PIGN: variants seen among roughly 807,000 people sequenced by gnomAD.
PIGN encodes the protein phosphatidylinositol glycan anchor biosynthesis class N, also known as GPI ethanolamine phosphate transferase 1.
Under a neutral mutation model 125.4 loss-of-function variants are expected in PIGN, and 117 were observed. That is an observed-to-expected ratio of 0.93 (90% CI 0.80 to 1.09). PIGN has a LOEUF of 1.09. Ranked by LOEUF, PIGN falls within the 50% of genes least tolerant of loss-of-function variation. The pLI is 0.00. For synonymous variants in PIGN, 392 were observed against 377.8 expected, an observed-to-expected ratio of 1.04 and a Z score of -0.44; for missense variants, 1,075 against 1,094.9, an observed-to-expected ratio of 0.98 and a Z score of 0.26.
At chr18:62,048,949 G>A (rs1331728862) in intron 30 of PIGN, among the ~76,000 whole-genome samples, 15 of 150,214 alleles carry the variant, frequency 1.0e-4, no homozygotes, top group South Asian at 2.1e-4. Flanking sequence ...GAGAATATGC[G>A]GTGTTTGGTT....
intron 30 of PIGN, among the ~76,000 whole-genome samples, chr18:62,064,757 C>T (rs1261266252): frequency 3.9e-5 from 6 of 151,988 alleles, no homozygotes; most frequent in South Asian, 2.1e-4. Context: ...TAACTTTTCC[C>T]AATCACTGTT....
chr18:62,101,824 GA>G (rs1024986352), intron 21 of PIGN, among the ~76,000 whole-genome samples: 1 of 152,072 alleles, frequency 6.6e-6, no homozygotes, highest in Non-Finnish European at 1.5e-5. Context: ...CAGTTAAAAA[GA>G]AAAACAGATG....
At chr18:62,138,101 G>A (rs2036000515) in intron 14 of PIGN, 142 bp downstream of exon 14, 3 of 1,161,904 alleles carry the variant, frequency 2.6e-6, no homozygotes, top group Non-Finnish European at 3.6e-6. Flanking sequence ...AGCAATAGAA[G>A]AGGATTTCAA....
intron 14 of PIGN, among the ~76,000 whole-genome samples, chr18:62,116,869 AG>A (rs1351234078): frequency 6.6e-6 from 1 of 152,166 alleles, no homozygotes; most frequent in Non-Finnish European, 1.5e-5. Flanking sequence ...AAGGAAAAAA[AG>A]CTTGTCTGAA....
At chr18:62,141,838 G>A (rs1347545621) in intron 11 of PIGN, among the ~76,000 whole-genome samples, 2 of 152,082 alleles carry the variant, frequency 1.3e-5, no homozygotes, top group Non-Finnish European at 2.9e-5. Flanking sequence ...ACCACCCCAT[G>A]GTTTCTATTG....
At chr18:62,117,435 T>A (rs1356217186) in intron 14 of PIGN, among the ~76,000 whole-genome samples, 1 of 151,992 alleles carries the variant, frequency 6.6e-6, no homozygotes, top group East Asian at 1.9e-4. Flanking sequence ...GATCTATACA[T>A]ATAAACATGG....
intron 28 of PIGN, 46 bp downstream of exon 28, chr18:62,082,627 C>T (rs1253318084): frequency 1.0e-6 from 1 of 1,003,346 alleles, no homozygotes; most frequent in African/African-American, 1.6e-5. Context: ...ACTCTCATCT[C>T]CTAAAAATAG....
chr18:62,130,884 T>G (rs1291133045), intron 14 of PIGN, among the ~76,000 whole-genome samples: 1 of 152,206 alleles, frequency 6.6e-6, no homozygotes, highest in Non-Finnish European at 1.5e-5. Context: ...AAAAAGTTAT[T>G]TCTAGAATAA....
intron 23 of PIGN, among the ~76,000 whole-genome samples, chr18:62,021,755 C>T (rs1441465353): frequency 1.3e-5 from 2 of 152,066 alleles, no homozygotes; most frequent in African/African-American, 4.8e-5. Flanking sequence ...AAAACAACAC[C>T]CGGTTATTAT....
chr18:62,088,978 TAAAC>T (rs1440359097), intron 24 of PIGN, 136 bp from the exon 25 acceptor site: 1 of 587,242 alleles, frequency 1.7e-6, no homozygotes, highest in East Asian at 2.9e-5. Context: ...CAATAAACAA[TAAAC>T]AATAAATCTT....
intron 30 of PIGN, among the ~76,000 whole-genome samples, chr18:62,062,807 A>G (rs1490182767): frequency 2.0e-5 from 3 of 149,670 alleles, no homozygotes; most frequent in African/African-American, 5.0e-5. Flanking sequence ...TTCTCTGCCT[A>G]TAAGTGCTGA....
intron 23 of PIGN, among the ~76,000 whole-genome samples, chr18:62,027,072 A>G (rs908377567): frequency 2.0e-5 from 3 of 152,134 alleles, no homozygotes; most frequent in Admixed American, 6.5e-5. Context: ...GTGTGGTGGC[A>G]GGCACCTGTA....
At chr18:62,170,918 C>T (rs2037324984) in intron 1 of PIGN, among the ~76,000 whole-genome samples, 1 of 152,136 alleles carries the variant, frequency 6.6e-6, no homozygotes, top group Non-Finnish European at 1.5e-5. Context: ...AAGATCAAAC[C>T]AGCCACAACA....
chr18:62,161,137 T>TA lies in PIGN; in HGVS notation c.216dup (p.Ile73TyrfsTer2). 6.2e-7 allele frequency: 1 copy of TA among 1,602,486 alleles called. No homozygotes were observed. The highest frequency in any genetic ancestry group is 8.5e-7 in the Non-Finnish European group (1 of 1,169,910). On this transcript the variant is annotated frameshift_variant, in exon 4 of 31. Transcript: ENST00000640252. LOFTEE classifies it high-confidence loss of function. ...TGTATCAGTTTACATGCTTACCTAATAAACGGTGCTCTAGAGTTTCCATTT... is the reference window on the plus strand; with the variant it reads ...TGTATCAGTTTACATGCTTACCTAATAAAACGGTGCTCTAGAGTTTCCATTT...
At chr18:62,062,052 G>C (rs929678406) in intron 30 of PIGN, among the ~76,000 whole-genome samples, 1 of 152,102 alleles carries the variant, frequency 6.6e-6, no homozygotes, top group Non-Finnish European at 1.5e-5. Flanking sequence ...CACCGCTATA[G>C]AGGATACAAA....
intron 23 of PIGN, among the ~76,000 whole-genome samples, chr18:62,033,072 C>T (rs1437566904): frequency 1.3e-5 from 2 of 152,172 alleles, no homozygotes; most frequent in Admixed American, 6.5e-5. Context: ...AGGACGCAGC[C>T]AAGGGGACCT....
intron 30 of PIGN, among the ~76,000 whole-genome samples, chr18:62,047,629 G>A (rs1244182023): frequency 1.3e-5 from 2 of 152,194 alleles, no homozygotes; most frequent in Non-Finnish European, 2.9e-5. Flanking sequence ...AATGGAGGCT[G>A]CAAGGGGAAC....
chr18:62,085,043 G>A (rs2033632382), intron 26 of PIGN, among the ~76,000 whole-genome samples, 166 bp downstream of exon 26: 2 of 151,408 alleles, frequency 1.3e-5, no homozygotes, highest in Non-Finnish European at 1.5e-5. Context: ...GGGAGGCAGA[G>A]GTTGCAATGA....
intron 30 of PIGN, chr18:62,070,202 AG>A (rs2032762757): frequency 2.6e-6 from 1 of 389,614 alleles, no homozygotes; most frequent in Admixed American, 4.4e-5. Flanking sequence ...ACAGCTCAAA[AG>A]TGGCAGAAAT....
Sources: gnomAD v4.1 joint callset for allele counts (sites outside exome capture counted in the v4.1 genomes callset) on GRCh38, gnomAD v4.1.1 for gene constraint, MANE v1.5 for transcripts, NCBI Gene and HGNC (gene_info 2026-07-23, HGNC 2026-07-21) for gene names.